The following ITGA9 variants were observed in gnomAD, a reference collection of about 807,000 sequenced individuals.
ITGA9 encodes integrin subunit alpha 9, also known as integrin alpha-9.
In ITGA9, 56 loss-of-function variants were observed where a neutral mutation model predicts 127.8. That is an observed-to-expected ratio of 0.44 (90% CI 0.35 to 0.55). The LOEUF (loss-of-function observed/expected upper bound fraction) is 0.55. Ranked by LOEUF, ITGA9 falls within the 20% of genes least tolerant of loss-of-function variation. The probability of loss-of-function intolerance (pLI) is 0.00; values close to 1 mark genes in which losing one functional copy is unlikely to be tolerated. For missense variants in ITGA9, 1,196 were observed against 1,347.1 expected (o/e 0.89, Z 1.76); for synonymous variants, 508 against 514.5 (o/e 0.99, Z 0.17).
At chr3:37,511,693 C>A (rs1204800654) in intron 8 of ITGA9, among the ~76,000 whole-genome samples, 2 of 152,198 alleles carry the variant, frequency 1.3e-5, no homozygotes, top group African/African-American at 4.8e-5. Context: ...CCCTTTCCTG[C>A]TCCGTTCTCC....
chr3:37,647,345 ATTG>A (rs1490126012), intron 16 of ITGA9, among the ~76,000 whole-genome samples: 1 of 151,966 alleles, frequency 6.6e-6, no homozygotes, highest in African/African-American at 2.4e-5. Context: ...ATTTGATTTC[ATTG>A]TTTTTTAATG....
At chr3:37,665,074 G>A (rs1051712734) in intron 17 of ITGA9, among the ~76,000 whole-genome samples, 23 of 150,876 alleles carry the variant, frequency 1.5e-4, no homozygotes, top group African/African-American at 5.6e-4. Flanking sequence ...CTGGGTTCAA[G>A]CGATTCTCCT....
intron 16 of ITGA9, among the ~76,000 whole-genome samples, chr3:37,632,839 T>C (rs1158487193): frequency 6.6e-6 from 1 of 152,224 alleles, no homozygotes; most frequent in East Asian, 1.9e-4. Flanking sequence ...TTCAATGTTC[T>C]GAGGGAAAAT....
chr3:37,653,845 A>T, intron 17 of ITGA9, 55 bp downstream of exon 17: 1 of 1,325,830 alleles, frequency 7.5e-7, no homozygotes, highest in Non-Finnish European at 1.1e-6. Flanking sequence ...TCTTGACCCC[A>T]GGTCCCAAAC....
intron 15 of ITGA9, among the ~76,000 whole-genome samples, chr3:37,621,989 T>A (rs550117804): frequency 2.6e-4 from 40 of 152,330 alleles, no homozygotes; most frequent in Middle Eastern, 3.4e-3. Flanking sequence ...ACTGAACTAG[T>A]TCAAACAGTT....
chr3:37,452,551 C>T lies in ITGA9; in HGVS notation c.177C>T (p.Asn59=), dbSNP rs1228087251. The T allele has an allele frequency of 1.6e-5, 25 of 1,521,738 alleles. No individual in the cohort carries two copies. The highest frequency in any genetic ancestry group is 2.2e-5 in the Non-Finnish European group (25 of 1,134,176). The allele number at this position is 1,521,738 out of a possible 1,614,324, so 94.3% of individuals were successfully genotyped here. A position where few individuals can be genotyped will look rare whatever the true frequency, so the allele number is the denominator to read the frequency against. The change falls in exon 1 of 28, where the codon AAC becomes AAT. Residue 59 remains asparagine, a synonymous_variant. Transcript: ENST00000264741. This position sits in a 1 kb window ranked among gnomAD's most constrained non-coding sequence, Gnocchi z 7.3. ...GYAVLEHFHD[N]TRWVLVGAPK... ...CAGTTCTGGAGCATTTCCACGACAACACGCGCTGGTGAGTGCCCGCCCGAC... is the reference window on the plus strand; with the variant it reads ...CAGTTCTGGAGCATTTCCACGACAATACGCGCTGGTGAGTGCCCGCCCGAC...
At chr3:37,469,699 T>A (rs1380230022) in intron 1 of ITGA9, among the ~76,000 whole-genome samples, 1 of 152,202 alleles carries the variant, frequency 6.6e-6, no homozygotes, top group Non-Finnish European at 1.5e-5. Flanking sequence ...CTATTGTATC[T>A]GGCATCTTTT....
At chr3:37,539,431 A>G (rs1374233361) in intron 14 of ITGA9, among the ~76,000 whole-genome samples, 1 of 152,138 alleles carries the variant, frequency 6.6e-6, no homozygotes, top group Non-Finnish European at 1.5e-5. Flanking sequence ...GATTTTCAGG[A>G]ATTGGGTTGT....
intron 18 of ITGA9, among the ~76,000 whole-genome samples, chr3:37,726,006 G>A (rs1280992661): frequency 6.6e-6 from 1 of 152,224 alleles, no homozygotes; most frequent in Non-Finnish European, 1.5e-5. Context: ...CTGGGAATAC[G>A]ACTGTTCTGG....
intron 13 of ITGA9, among the ~76,000 whole-genome samples, chr3:37,532,860 A>T (rs1231642798): frequency 6.6e-6 from 1 of 152,226 alleles, no homozygotes; most frequent in Non-Finnish European, 1.5e-5. Flanking sequence ...ATGGGGCTAC[A>T]ACATTGCAGT....
At chr3:37,737,551 C>T (rs552256857) in intron 20 of ITGA9, among the ~76,000 whole-genome samples, 3 of 152,352 alleles carry the variant, frequency 2.0e-5, no homozygotes, top group African/African-American at 7.2e-5. Flanking sequence ...GTGCCCGCCC[C>T]TCTCCAGGAT....
At chr3:37,644,399 G>T (rs575317603) in intron 16 of ITGA9, among the ~76,000 whole-genome samples, 6 of 152,312 alleles carry the variant, frequency 3.9e-5, no homozygotes, top group East Asian at 1.9e-4. Context: ...TGTCCACATA[G>T]AAGCAGATTG....
At chr3:37,787,409 C>A (rs1420283961) in intron 26 of ITGA9, among the ~76,000 whole-genome samples, 1 of 152,162 alleles carries the variant, frequency 6.6e-6, no homozygotes, top group Admixed American at 6.5e-5. Context: ...CAAAATACCA[C>A]TTCCATTAAT....
chr3:37,487,835 AT>A (rs1698626432), intron 4 of ITGA9, among the ~76,000 whole-genome samples: 1 of 152,030 alleles, frequency 6.6e-6, no homozygotes, highest in African/African-American at 2.4e-5. Context: ...AAAAAAAGTC[AT>A]ATTTTTTTTC....
At chr3:37,761,532 A>G (rs1045178540) in intron 23 of ITGA9, among the ~76,000 whole-genome samples, 5 of 152,224 alleles carry the variant, frequency 3.3e-5, no homozygotes, top group Non-Finnish European at 7.3e-5. Flanking sequence ...AAATCTTACT[A>G]ACTTATTACA....
intron 18 of ITGA9, among the ~76,000 whole-genome samples, chr3:37,690,329 G>T (rs1460114702): frequency 1.3e-5 from 2 of 152,184 alleles, no homozygotes; most frequent in African/African-American, 4.8e-5. Flanking sequence ...TCTGGTGGCA[G>T]GGAGATGTCA....
intron 20 of ITGA9, 112 bp downstream of exon 20, chr3:37,737,095 G>C: frequency 2.5e-6 from 2 of 788,168 alleles, no homozygotes; most frequent in Non-Finnish European, 2.2e-6. Context: ...AGGAAGAAAT[G>C]GTTACTCAGT....
intron 15 of ITGA9, among the ~76,000 whole-genome samples, chr3:37,617,428 A>G (rs1700085338): frequency 6.6e-6 from 1 of 152,056 alleles, no homozygotes; most frequent in Non-Finnish European, 1.5e-5. Flanking sequence ...GGTGAATCTG[A>G]CAATTATGTG....
At chr3:37,478,645 A>C (rs1366118426) in intron 3 of ITGA9, among the ~76,000 whole-genome samples, 1 of 152,144 alleles carries the variant, frequency 6.6e-6, no homozygotes, top group Admixed American at 6.5e-5. Flanking sequence ...GGAGTTACTA[A>C]TGCTTTGGAG....
Sources: allele counts gnomAD v4.1 joint callset (sites outside exome capture counted in the v4.1 genomes callset), GRCh38; gene constraint gnomAD v4.1.1; non-coding constraint Gnocchi (gnomAD v3.1); transcripts MANE v1.5; gene names NCBI Gene and HGNC (gene_info 2026-07-23, HGNC 2026-07-21).